HIP1: variants seen among roughly 807,000 people sequenced by gnomAD.
HIP1 encodes huntingtin-interacting protein 1.
A neutral mutation model predicts 147.6 loss-of-function variants in HIP1; 65 were observed. That is an observed-to-expected ratio of 0.44 (90% CI 0.36 to 0.54). The LOEUF is 0.54. HIP1 is among the 20% of genes least tolerant of loss of function. The pLI, the probability that HIP1 is intolerant of heterozygous loss-of-function variation, is 0.00. For missense variants in HIP1, 1,061 were observed against 1,299.6 expected, an observed-to-expected ratio of 0.82 and a Z score of 2.82; for synonymous variants, 479 against 504.0, an observed-to-expected ratio of 0.95 and a Z score of 0.67.
chr7:75,586,545 G>A (rs587745890), intron 5 of HIP1, among the ~76,000 whole-genome samples: 11 of 152,240 alleles, frequency 7.2e-5, no homozygotes, highest in African/African-American at 2.6e-4. Flanking sequence ...GGGTGCAGAA[G>A]ACACGGGCCA....
At chr7:75,566,798 G>T (rs1300195199) in intron 9 of HIP1, among the ~76,000 whole-genome samples, 1 of 151,258 alleles carries the variant, frequency 6.6e-6, no homozygotes, top group Non-Finnish European at 1.5e-5. Context: ...TGGCCTAAAT[G>T]GATGATGGCA....
chr7:75,572,207 G>A (rs944311910), intron 8 of HIP1, among the ~76,000 whole-genome samples: 3 of 147,036 alleles, frequency 2.0e-5, no homozygotes, highest in African/African-American at 7.6e-5. Context: ...CTGGGTGAGA[G>A]AGTGAGACTC....
chr7:75,711,210 T>A (rs1554520094), intron 1 of HIP1, among the ~76,000 whole-genome samples: 5 of 152,234 alleles, frequency 3.3e-5, no homozygotes, highest in African/African-American at 1.2e-4. Flanking sequence ...TGAGTTCTAA[T>A]GTCCTAATTT....
chr7:75,598,918 G>A (rs1796864935), intron 2 of HIP1, among the ~76,000 whole-genome samples: 1 of 152,154 alleles, frequency 6.6e-6, no homozygotes, highest in African/African-American at 2.4e-5. Context: ...AAAAAGGAGT[G>A]CTTAAGTCCT....
At chr7:75,583,375 GCT>G (rs1796128929) in intron 5 of HIP1, among the ~76,000 whole-genome samples, 1 of 152,084 alleles carries the variant, frequency 6.6e-6, no homozygotes, top group African/African-American at 2.4e-5. Context: ...ATGCATTCAC[GCT>G]CTCTGTCCTG....
chr7:75,718,715 T>C (rs1263992164), intron 1 of HIP1, among the ~76,000 whole-genome samples: 1 of 152,146 alleles, frequency 6.6e-6, no homozygotes, highest in Non-Finnish European at 1.5e-5. Context: ...CTTTGTGCCA[T>C]AATGTCTTTC....
At chr7:75,543,955 A>G (rs1267718364) in intron 27 of HIP1, among the ~76,000 whole-genome samples, 2 of 152,000 alleles carry the variant, frequency 1.3e-5, no homozygotes, top group East Asian at 1.9e-4. Context: ...GGTGGATCAC[A>G]AGGTCAGGAG....
At position 75,537,758 on chromosome 7, in the gene HIP1, G is replaced by C. The variant is rs1203481452; in HGVS notation, c.*414C>G. The C allele has an allele frequency of 7.6e-6, 2 of 263,618 alleles. No homozygotes were observed. Among genetic ancestry groups the C allele is most frequent in the East Asian group, 5.7e-5 (1 of 17,654 alleles). 16.3% of individuals were successfully genotyped at this position (263,618 alleles called of 1,614,324 possible). A position where few individuals can be genotyped will look rare whatever the true frequency, so the allele number is the denominator to read the frequency against. ...ACTGAGAAGAAAACAGAAAAGAAAAGGCATAAGATCTTCCCTTTCCAAGCT... is the reference window on the plus strand; with the variant it reads ...ACTGAGAAGAAAACAGAAAAGAAAACGCATAAGATCTTCCCTTTCCAAGCT... On this transcript the variant is annotated 3_prime_UTR_variant, in exon 31 of 31. Coordinates refer to ENST00000336926, the MANE Select transcript of HIP1 (RefSeq NM_005338.7).
chr7:75,703,529 G>A (rs185605362), intron 1 of HIP1, among the ~76,000 whole-genome samples: 47 of 152,050 alleles, frequency 3.1e-4, no homozygotes, highest in Non-Finnish European at 5.3e-4. Context: ...TGTAATCCCA[G>A]CTACTCAGGA....
At position 75,537,633 on chromosome 7, in the gene HIP1, G is replaced by A; in HGVS notation, c.*539C>T. 1 of 234,054 alleles carries A rather than the reference G, an allele frequency of 4.3e-6. No homozygotes were observed. Among genetic ancestry groups the A allele is most frequent in the Non-Finnish European group, 8.4e-6 (1 of 118,644 alleles). The allele number at this position is 234,054 out of a possible 1,614,324, so 14.5% of individuals were successfully genotyped here. A position where few individuals can be genotyped will look rare whatever the true frequency, so the allele number is the denominator to read the frequency against. Reference sequence around the variant, plus strand: ...TGGCATTCACAGCCAGGACACTCCTGCCGTCCTTCTGACTGTGCAGATCTC... The same window carrying A: ...TGGCATTCACAGCCAGGACACTCCTACCGTCCTTCTGACTGTGCAGATCTC... On this transcript the variant is annotated 3_prime_UTR_variant, in exon 31 of 31. Transcript: ENST00000336926.
Position 75,554,479 on chromosome 7 carries a change from G to C in HIP1, c.2011C>G (p.Leu671Val). The C allele has an allele frequency of 6.2e-7, 1 of 1,614,030 alleles. No individual in the cohort carries two copies. Among genetic ancestry groups the C allele is most frequent in the East Asian group, 2.2e-5 (1 of 44,878 alleles). Residue 671 changes from leucine (L) to valine (V), a missense_variant, in exon 20 of 31, where the codon CTG becomes GTG. Coordinates refer to ENST00000336926, the MANE Select transcript of HIP1 (RefSeq NM_005338.7). ...VTSISSCIEQLEKSWSQYLAC... is the reference protein window; with the variant it reads ...VTSISSCIEQVEKSWSQYLAC... ...AGATACTGGCTCCAGCTTTTCTCCA[G>C]TTGCTCGATGCAGCTGGAAATGGAT...
chr7:75,592,574 C>T (rs1796536501), intron 2 of HIP1, 60 bp from the exon 3 acceptor site: 3 of 1,539,062 alleles, frequency 1.9e-6, no homozygotes, highest in Non-Finnish European at 2.6e-6. Flanking sequence ...GGGGACTGAG[C>T]CTGCACCCAG....
At chr7:75,605,824 G>A (rs967381312) in intron 1 of HIP1, among the ~76,000 whole-genome samples, 9 of 151,916 alleles carry the variant, frequency 5.9e-5, no homozygotes, top group Non-Finnish European at 1.2e-4. Context: ...GTGAGCTACC[G>A]CGCCTGGCTG....
chr7:75,596,838 C>T (rs1023295413), intron 2 of HIP1, among the ~76,000 whole-genome samples: 1 of 152,198 alleles, frequency 6.6e-6, no homozygotes, highest in African/African-American at 2.4e-5. Context: ...GGGAGCCTCC[C>T]GGCAGCATGT....
chr7:75,652,652 A>G (rs1554512157), intron 1 of HIP1, among the ~76,000 whole-genome samples: 1 of 152,088 alleles, frequency 6.6e-6, no homozygotes, highest in African/African-American at 2.4e-5. Context: ...GGCATGAGCC[A>G]CCATGCCCAG....
chr7:75,609,622 A>G (rs781962660), intron 1 of HIP1, among the ~76,000 whole-genome samples: 2 of 151,548 alleles, frequency 1.3e-5, no homozygotes, highest in Non-Finnish European at 2.9e-5. Flanking sequence ...CAGTGGCGCA[A>G]TCTCGGCTCA....
intron 1 of HIP1, among the ~76,000 whole-genome samples, chr7:75,728,998 G>A (rs954719934): frequency 1.3e-5 from 2 of 151,254 alleles, no homozygotes; most frequent in Non-Finnish European, 2.9e-5. Context: ...CTAGGTGACA[G>A]GATCATTCAT....
chr7:75,730,693 A>G (rs372317738), intron 1 of HIP1, among the ~76,000 whole-genome samples: 6 of 151,588 alleles, frequency 4.0e-5, no homozygotes, highest in African/African-American at 1.5e-4. Context: ...AGGGTGGCTC[A>G]TGTAAGGCCT....
intron 1 of HIP1, among the ~76,000 whole-genome samples, chr7:75,618,784 G>A (rs782074834): frequency 2.6e-5 from 4 of 152,146 alleles, no homozygotes; most frequent in Non-Finnish European, 5.9e-5. Context: ...TTTCTGTCAA[G>A]TGAATGAGCC....
Sources: gnomAD v4.1 joint callset for allele counts (sites outside exome capture counted in the v4.1 genomes callset) on GRCh38, gnomAD v4.1.1 for gene constraint, MANE v1.5 for transcripts, NCBI Gene and HGNC (gene_info 2026-07-23, HGNC 2026-07-21) for gene names.